CSMD1: variants seen among roughly 807,000 people sequenced by gnomAD.
The protein encoded by CSMD1 is CUB and sushi domain-containing protein 1.
In CSMD1, 213 loss-of-function variants were observed where a neutral mutation model predicts 417.5. That is an observed-to-expected ratio of 0.51 (90% CI 0.46 to 0.57). The LOEUF (loss-of-function observed/expected upper bound fraction) is 0.57, where lower values mean the gene tolerates loss of function less well. Ranked by LOEUF, CSMD1 falls within the 20% of genes least tolerant of loss-of-function variation. The pLI, the probability that CSMD1 is intolerant of heterozygous loss-of-function variation, is 0.00. For missense variants in CSMD1, 6,923 were observed against 4,529.7 expected (o/e 1.53, Z -15.17); for synonymous variants, 2,862 against 1,736.8 (o/e 1.65, Z -16.11).
chr8:3,905,032 G>A (rs1005381475), intron 5 of CSMD1, among the ~76,000 whole-genome samples: 4 of 152,100 alleles, frequency 2.6e-5, no homozygotes, highest in African/African-American at 7.2e-5. Context: ...AACTTGTACT[G>A]GTGACTGATT....
chr8:4,283,433 G>A lies in CSMD1; in HGVS notation c.415+136520C>T, dbSNP rs147255701. On this transcript the variant is annotated intron_variant, in intron 3 of 69. Transcript: ENST00000635120. ...AACACATTCTTTTCATCTGGGTACAGGATTTCCAAATGCAAATTATCTCTT... is the reference window on the plus strand; with the variant it reads ...AACACATTCTTTTCATCTGGGTACAAGATTTCCAAATGCAAATTATCTCTT... 6.2e-3 allele frequency among the ~76,000 whole-genome samples: 940 copies of A among 152,214 alleles called. 4 individuals are homozygous for A. Among genetic ancestry groups the A allele is most frequent in the Non-Finnish European group, 9.2e-3 (628 of 68,008 alleles).
At chr8:4,347,410 G>C (rs188948284) in intron 3 of CSMD1, among the ~76,000 whole-genome samples, 4 of 152,130 alleles carry the variant, frequency 2.6e-5, no homozygotes, top group African/African-American at 7.2e-5. Context: ...ATTTAAAATA[G>C]GTAACATTAC....
At chr8:4,813,701 T>C (rs1422158558) in intron 1 of CSMD1, among the ~76,000 whole-genome samples, 1 of 152,206 alleles carries the variant, frequency 6.6e-6, no homozygotes, top group Non-Finnish European at 1.5e-5. Context: ...TCAAGAATCC[T>C]CAGTAATTCA....
intron 10 of CSMD1, among the ~76,000 whole-genome samples, chr8:3,550,138 C>G (rs1260136084): frequency 1.3e-5 from 2 of 152,152 alleles, no homozygotes; most frequent in Admixed American, 6.5e-5. Flanking sequence ...CACCCATGCA[C>G]GTGGCCTCAA....
At chr8:3,758,262 C>T (rs547634229) in intron 5 of CSMD1, among the ~76,000 whole-genome samples, 1 of 152,348 alleles carries the variant, frequency 6.6e-6, no homozygotes, top group African/African-American at 2.4e-5. Context: ...TCACACTCAG[C>T]CTTGCACAGA....
chr8:4,264,767 G>A (rs1011822543), intron 3 of CSMD1, among the ~76,000 whole-genome samples: 1 of 152,024 alleles, frequency 6.6e-6, no homozygotes, highest in Non-Finnish European at 1.5e-5. Context: ...AACGTTCTTT[G>A]GCCATTTTTG....
chr8:3,938,184 C>T (rs1022052547), intron 5 of CSMD1, among the ~76,000 whole-genome samples: 1 of 152,030 alleles, frequency 6.6e-6, no homozygotes, highest in Non-Finnish European at 1.5e-5. Flanking sequence ...TGGGCATTGA[C>T]ATTGCCTGTC....
intron 21 of CSMD1, among the ~76,000 whole-genome samples, chr8:3,357,259 C>A (rs1478829989): frequency 1.3e-5 from 2 of 152,190 alleles, no homozygotes; most frequent in Non-Finnish European, 2.9e-5. Context: ...CTGTCCAGTG[C>A]GGTGGTTAAA....
In CSMD1 at chr8:4,321,534, G is replaced by T. The variant is rs568237928; in HGVS notation, c.415+98419C>A. ...GGGATGTGTTAAGGATTAAAGGGAT[G>T]AGTATCTGGTATATCACAGATATAA... is the stretch of plus-strand genomic sequence containing the variant. On this transcript the variant is annotated intron_variant, in intron 3 of 69. Coordinates refer to ENST00000635120, the MANE Select transcript of CSMD1 (RefSeq NM_033225.6). 5.3e-5 allele frequency among the ~76,000 whole-genome samples: 8 copies of T among 152,258 alleles called. No homozygotes were observed. In the East Asian group the frequency reaches 1.5e-3, roughly 29 times the overall value.
At chr8:3,572,017 G>A (rs1043740163) in intron 10 of CSMD1, among the ~76,000 whole-genome samples, 1 of 152,192 alleles carries the variant, frequency 6.6e-6, no homozygotes, top group East Asian at 1.9e-4. Context: ...GACTTCAAAA[G>A]ACGCGAAAGA....
chr8:3,729,910 G>A (rs1334021588), intron 6 of CSMD1, among the ~76,000 whole-genome samples: 1 of 103,190 alleles, frequency 9.7e-6, no homozygotes, highest in African/African-American at 4.4e-5. Context: ...ATTATTATTT[G>A]CCAATTCAAA....
intron 5 of CSMD1, among the ~76,000 whole-genome samples, chr8:3,876,073 C>G (rs981651492): frequency 2.6e-5 from 4 of 151,904 alleles, no homozygotes; most frequent in African/African-American, 7.3e-5. Context: ...TTGAAATATA[C>G]TTGTTGTCTT....
At chr8:4,450,049 C>T (rs929987048) in intron 2 of CSMD1, among the ~76,000 whole-genome samples, 2 of 152,196 alleles carry the variant, frequency 1.3e-5, no homozygotes, top group Admixed American at 6.5e-5. Flanking sequence ...CTGGGTTCCA[C>T]TTTTCTCCCG....
intron 1 of CSMD1, among the ~76,000 whole-genome samples, chr8:4,963,941 C>G (rs1010218222): frequency 6.6e-6 from 1 of 152,080 alleles, no homozygotes; most frequent in Admixed American, 6.6e-5. Flanking sequence ...AAAAAACAAG[C>G]TGATTTCATA....
intron 16 of CSMD1, among the ~76,000 whole-genome samples, chr8:3,396,684 G>A (rs1811720814): frequency 6.6e-6 from 1 of 152,002 alleles, no homozygotes; most frequent in Non-Finnish European, 1.5e-5. Context: ...TTTCTTAGAT[G>A]ATAGATTGAT....
chr8:3,975,283 T>G (rs1813355542), intron 5 of CSMD1, among the ~76,000 whole-genome samples: 1 of 152,186 alleles, frequency 6.6e-6, no homozygotes, highest in South Asian at 2.1e-4. Context: ...TGTTGCTATT[T>G]TATTTTATAC....
chr8:4,314,324 C>T (rs1426844530), intron 3 of CSMD1, among the ~76,000 whole-genome samples: 1 of 152,156 alleles, frequency 6.6e-6, no homozygotes, highest in African/African-American at 2.4e-5. Context: ...CATTCACTAG[C>T]CCAACAGCCA....
intron 3 of CSMD1, among the ~76,000 whole-genome samples, chr8:4,376,173 C>T (rs1216808798): frequency 1.3e-5 from 2 of 152,182 alleles, no homozygotes; most frequent in Non-Finnish European, 1.5e-5. Flanking sequence ...TGCTTAACAA[C>T]TGTATCAAAA....
intron 1 of CSMD1, among the ~76,000 whole-genome samples, chr8:4,643,814 T>G (rs1438904066): frequency 6.6e-6 from 1 of 152,224 alleles, no homozygotes; most frequent in Non-Finnish European, 1.5e-5. Context: ...GGACCATGAT[T>G]TAAAGTGCCG....
Sources: gnomAD v4.1 joint callset for allele counts (sites outside exome capture counted in the v4.1 genomes callset) on GRCh38, gnomAD v4.1.1 for gene constraint, MANE v1.5 for transcripts, NCBI Gene and HGNC (gene_info 2026-07-23, HGNC 2026-07-21) for gene names.